UPP2: variants seen among roughly 807,000 people sequenced by gnomAD.
The protein encoded by UPP2 is uridine phosphorylase 2.
UPP2 carries 23 observed loss-of-function variants against 26.7 expected under a neutral mutation model. The observed-to-expected ratio is 0.86, with a 90% CI of 0.62 to 1.22. The LOEUF (loss-of-function observed/expected upper bound fraction) is 1.22, where lower values mean the gene tolerates loss of function less well. Ranked by LOEUF, UPP2 falls within the 50% of genes most tolerant of loss-of-function variation. The probability of loss-of-function intolerance (pLI) is 0.00; values close to 1 mark genes in which losing one functional copy is unlikely to be tolerated. For missense variants in UPP2, 387 were observed against 396.7 expected, an observed-to-expected ratio of 0.98 and a Z score of 0.21; for synonymous variants, 127 against 141.3, an observed-to-expected ratio of 0.90 and a Z score of 0.72.
At chr2:158,064,099 C>T (rs1682396853) in intron 3 of UPP2, among the ~76,000 whole-genome samples, 1 of 152,156 alleles carries the variant, frequency 6.6e-6, no homozygotes, top group Non-Finnish European at 1.5e-5. Context: ...GTAATCCTTT[C>T]AGTATATACC....
At chr2:158,049,452 T>C (rs939587919) in intron 3 of UPP2, among the ~76,000 whole-genome samples, 8 of 152,220 alleles carry the variant, frequency 5.3e-5, no homozygotes, top group Admixed American at 4.6e-4. Context: ...TCAGGTTTTG[T>C]TAAATGTTCT....
intron 3 of UPP2, among the ~76,000 whole-genome samples, chr2:158,038,747 T>C (rs1684040843): frequency 6.6e-6 from 1 of 152,196 alleles, no homozygotes; most frequent in Non-Finnish European, 1.5e-5. Flanking sequence ...AAAGACATCA[T>C]TGTCAAATGT....
chr2:158,073,124 C>A (rs1682570835), intron 3 of UPP2, among the ~76,000 whole-genome samples: 1 of 151,970 alleles, frequency 6.6e-6, no homozygotes, highest in African/African-American at 2.4e-5. Flanking sequence ...ATAAATTTAA[C>A]AAAGAGATTG....
chr2:158,061,482 C>CT (rs1300959312), intron 3 of UPP2, among the ~76,000 whole-genome samples: 1 of 152,176 alleles, frequency 6.6e-6, no homozygotes, highest in Non-Finnish European at 1.5e-5. Flanking sequence ...GCAGCATTGA[C>CT]TTTTTATTTT....
intron 5 of UPP2, among the ~76,000 whole-genome samples, chr2:158,122,046 A>G (rs1349863901): frequency 2.0e-5 from 3 of 151,960 alleles, no homozygotes; most frequent in African/African-American, 4.8e-5. Flanking sequence ...TACAAATCCC[A>G]CGGGATGGCA....
intron 3 of UPP2, among the ~76,000 whole-genome samples, chr2:158,089,764 G>A (rs1682876927): frequency 6.6e-6 from 1 of 152,184 alleles, no homozygotes; most frequent in Non-Finnish European, 1.5e-5. Flanking sequence ...CCTGTGATCT[G>A]GGATCTGGAC....
intron 3 of UPP2, among the ~76,000 whole-genome samples, chr2:158,033,409 C>A (rs1038921436): frequency 6.6e-6 from 1 of 152,154 alleles, no homozygotes; most frequent in African/African-American, 2.4e-5. Flanking sequence ...TGAGATGAGA[C>A]TCAGGGGTGC....
intron 3 of UPP2, among the ~76,000 whole-genome samples, chr2:158,042,605 G>A (rs1684096279): frequency 6.6e-6 from 1 of 152,208 alleles, no homozygotes; most frequent in African/African-American, 2.4e-5. Context: ...TGTCATCACT[G>A]ATGGAATTAC....
chr2:158,104,817 C>G (rs113904339), intron 1 of UPP2, among the ~76,000 whole-genome samples: 3,691 of 151,428 alleles, frequency 0.024, 123 homozygotes, highest in African/African-American at 0.082. Context: ...GGATACTCAG[C>G]AGGCTGAGGC....
intron 3 of UPP2, among the ~76,000 whole-genome samples, chr2:158,092,215 A>G (rs923326176): frequency 2.0e-5 from 3 of 152,220 alleles, no homozygotes; most frequent in African/African-American, 7.2e-5. Context: ...ATTTCCTAAA[A>G]TTGATAACAG....
chr2:158,077,325 A>G (rs1463738025), intron 3 of UPP2, among the ~76,000 whole-genome samples: 1 of 152,100 alleles, frequency 6.6e-6, no homozygotes, highest in Non-Finnish European at 1.5e-5. Context: ...AAAAGACTCA[A>G]AACAGCCAAG....
At chr2:158,012,816 C>T (rs988325795) in intron 2 of UPP2, among the ~76,000 whole-genome samples, 2 of 151,972 alleles carry the variant, frequency 1.3e-5, no homozygotes, top group African/African-American at 4.8e-5. Context: ...TTTATGTGTA[C>T]ATATACTTTA....
chr2:158,062,645 C>T (rs1682370359), intron 3 of UPP2, among the ~76,000 whole-genome samples: 1 of 152,192 alleles, frequency 6.6e-6, no homozygotes, highest in African/African-American at 2.4e-5. Context: ...CTCCTTTTTA[C>T]ACTATCCCTT....
chr2:158,059,871 A>G (rs1682326298), intron 3 of UPP2, among the ~76,000 whole-genome samples: 1 of 152,116 alleles, frequency 6.6e-6, no homozygotes, highest in Non-Finnish European at 1.5e-5. Flanking sequence ...GCTCCAATTC[A>G]AAGGATCTTC....
At chr2:158,037,108 C>T (rs980111940) in intron 3 of UPP2, among the ~76,000 whole-genome samples, 2 of 152,152 alleles carry the variant, frequency 1.3e-5, no homozygotes, top group African/African-American at 2.4e-5. Context: ...GGTGTGGTGG[C>T]TCACACCTGT....
Position 158,087,749 on chromosome 2 carries a change from GA to G in UPP2, c.148-14289del, listed in dbSNP as rs547563032. Reference sequence around the variant, plus strand: ...AAAAGACCATCTTTCCTTCATTTATGAAGTTTAGTTTCTCTGGATCCAAAAT... The same window carrying G: ...AAAAGACCATCTTTCCTTCATTTATGAGTTTAGTTTCTCTGGATCCAAAAT... On this transcript the variant is annotated intron_variant, in intron 3 of 9. Coordinates refer to the UPP2 transcript ENST00000605860. 3.7e-3 allele frequency among the ~76,000 whole-genome samples: 565 copies of G among 152,212 alleles called. 5 individuals carry two copies. The highest frequency in any genetic ancestry group is 0.013 in the African/African-American group (528 of 41,546).
At chr2:158,081,463 G>A (rs1017317238) in intron 3 of UPP2, among the ~76,000 whole-genome samples, 2 of 152,146 alleles carry the variant, frequency 1.3e-5, no homozygotes, top group Non-Finnish European at 2.9e-5. Flanking sequence ...ATCTCACTGT[G>A]AAGTATATAT....
chr2:158,133,870 G>A (rs1235587196), intron 6 of UPP2: 1 of 152,178 alleles, frequency 6.6e-6, no homozygotes, highest in Non-Finnish European at 1.5e-5. Flanking sequence ...TTCAGATGGA[G>A]ATTATTACAC....
intron 3 of UPP2, among the ~76,000 whole-genome samples, chr2:158,066,637 T>TTC (rs1488027153): frequency 6.6e-6 from 1 of 151,922 alleles, no homozygotes; most frequent in Admixed American, 6.6e-5. Context: ...ATTCTTTTTT[T>TTC]TTTTTTACCA....
Sources: gnomAD v4.1 joint callset for allele counts (sites outside exome capture counted in the v4.1 genomes callset) on GRCh38, gnomAD v4.1.1 for gene constraint, MANE v1.5 for transcripts, NCBI Gene and HGNC (gene_info 2026-07-23, HGNC 2026-07-21) for gene names.